RPH3AL: variants seen among roughly 807,000 people sequenced by gnomAD.
The protein encoded by RPH3AL is rabphilin 3A like (without C2 domains).
Under a neutral mutation model 43.1 loss-of-function variants are expected in RPH3AL, and 38 were observed. The observed-to-expected ratio is 0.88, with a 90% CI of 0.68 to 1.15. The LOEUF (loss-of-function observed/expected upper bound fraction) is 1.15. Among genes scored for constraint, RPH3AL ranks in the 50% most tolerant of loss-of-function variants. The pLI, the probability that RPH3AL is intolerant of heterozygous loss-of-function variation, is 0.00. For synonymous variants in RPH3AL, 189 were observed against 176.3 expected, an observed-to-expected ratio of 1.07 and a Z score of -0.57; for missense variants, 462 against 423.2, an observed-to-expected ratio of 1.09 and a Z score of -0.81.
rs2040699754 is a variant in RPH3AL, at chr17:212,395, A to G, written c.*1457T>C. ...CCCCTCCTTTCACTGCGGCTTAGGA[A>G]GGGTTCCAGCAAGTCAACGCACCAC... On this transcript the variant is annotated 3_prime_UTR_variant, in exon 10 of 10. Coordinates refer to ENST00000331302, the MANE Select transcript of RPH3AL (RefSeq NM_006987.4). 3.3e-5 allele frequency: 5 copies of G among 152,202 alleles called. No individual in the cohort carries two copies. The highest frequency in any genetic ancestry group is 7.3e-5 in the Non-Finnish European group (5 of 68,038). The allele number at this position is 152,202 out of a possible 1,614,324, so 9.4% of individuals were successfully genotyped here.
intron 6 of RPH3AL, among the ~76,000 whole-genome samples, chr17:272,606 G>A (rs1307468846): frequency 1.4e-4 from 14 of 102,974 alleles, no homozygotes; most frequent in Non-Finnish European, 2.0e-4. Flanking sequence ...GGACTGTTGT[G>A]GGGTGGGGGG....
intron 6 of RPH3AL, among the ~76,000 whole-genome samples, chr17:252,601 T>G (rs1317143309): frequency 1.3e-5 from 2 of 152,128 alleles, no homozygotes; most frequent in Non-Finnish European, 2.9e-5. Context: ...ACTTAAGTAA[T>G]CCAGCACCTC....
chr17:310,550 G>A (rs906497861), intron 5 of RPH3AL, among the ~76,000 whole-genome samples: 19 of 152,174 alleles, frequency 1.2e-4, no homozygotes, highest in African/African-American at 4.1e-4. Context: ...AAGGTGAGGA[G>A]GCGGAATGTG....
chr17:233,876 C>A (rs12939488), intron 7 of RPH3AL, among the ~76,000 whole-genome samples: 40,643 of 60,282 alleles, frequency 0.67, 13,662 homozygotes, highest in Non-Finnish European at 0.71. Flanking sequence ...GCGGCTACTT[C>A]CCCTGACCAA....
chr17:329,472 G>A (rs1258417730), intron 2 of RPH3AL, among the ~76,000 whole-genome samples: 5 of 152,100 alleles, frequency 3.3e-5, no homozygotes, highest in Non-Finnish European at 5.9e-5. Context: ...GCGAAACTCC[G>A]TCTCAAAAAA....
intron 7 of RPH3AL, among the ~76,000 whole-genome samples, chr17:221,501 G>T (rs796810812): frequency 6.8e-5 from 4 of 59,130 alleles, no homozygotes; most frequent in Admixed American, 1.6e-4. Flanking sequence ...CAGCTCTGAG[G>T]CCTCCACTCA....
intron 2 of RPH3AL, chr17:331,754 C>T (rs1598149074): frequency 4.7e-6 from 6 of 1,289,174 alleles, no homozygotes; most frequent in Non-Finnish European, 6.1e-6. Flanking sequence ...CAGCACTCAC[C>T]TCTTGGGCTC....
chr17:248,742 C>T (rs1426422629), intron 6 of RPH3AL, among the ~76,000 whole-genome samples: 8 of 152,240 alleles, frequency 5.3e-5, no homozygotes, highest in South Asian at 2.1e-4. Context: ...TCCACATGCT[C>T]GCTGTGTGGC....
intron 6 of RPH3AL, among the ~76,000 whole-genome samples, chr17:258,507 C>T (rs367961611): frequency 1.8e-4 from 27 of 152,246 alleles, no homozygotes; most frequent in South Asian, 6.2e-4. Context: ...GGGAGGAAAG[C>T]GCAGTGAGCC....
At chr17:244,375 G>A (rs1308181641) in intron 7 of RPH3AL, among the ~76,000 whole-genome samples, 4 of 152,038 alleles carry the variant, frequency 2.6e-5, no homozygotes, top group African/African-American at 7.3e-5. Flanking sequence ...GGAGCTACAG[G>A]TGCATGAGCC....
intron 6 of RPH3AL, among the ~76,000 whole-genome samples, chr17:268,225 C>T (rs1384570779): frequency 6.6e-6 from 1 of 152,152 alleles, no homozygotes; most frequent in Non-Finnish European, 1.5e-5. Flanking sequence ...TCCTCCTCCT[C>T]ATCTCCCCGT....
intron 6 of RPH3AL, 103 bp downstream of exon 6, chr17:281,665 C>T: frequency 2.8e-6 from 1 of 359,752 alleles, no homozygotes. Flanking sequence ...GCGTATCCAG[C>T]CCGCCCAGCC....
At chr17:314,356 G>A (rs936665597) in intron 5 of RPH3AL, among the ~76,000 whole-genome samples, 1 of 152,080 alleles carries the variant, frequency 6.6e-6, no homozygotes, top group Admixed American at 6.5e-5. Flanking sequence ...GTTCTCCCAG[G>A]CAGGAGTCAC....
rs560316128 is a variant in RPH3AL, at chr17:297,354, C to T, written c.352-15500G>A. On this transcript the variant is annotated intron_variant, in intron 5 of 9. Transcript: ENST00000331302. Reference sequence around the variant, plus strand: ...TCTGTGAGCCACTCTAGCAAATTATCGAACCCAAAGTATGGGTTGTGGGAA... The same window carrying T: ...TCTGTGAGCCACTCTAGCAAATTATTGAACCCAAAGTATGGGTTGTGGGAA... Among the ~76,000 whole-genome samples, 42 of 152,338 alleles carry T rather than the reference C, an allele frequency of 2.8e-4. No individual in the cohort carries two copies. The South Asian group carries it at 5.0e-3, about 18-fold the overall frequency.
At chr17:275,987 T>G (rs1203933415) in intron 6 of RPH3AL, among the ~76,000 whole-genome samples, 1 of 152,224 alleles carries the variant, frequency 6.6e-6, no homozygotes, top group African/African-American at 2.4e-5. Context: ...GAAATGGAGC[T>G]CTGAGCTAAG....
chr17:331,864 C>T, intron 2 of RPH3AL: 2 of 1,289,130 alleles, frequency 1.6e-6, no homozygotes, highest in Non-Finnish European at 2.0e-6. Context: ...CCCTTGTACT[C>T]AGGTATGACC....
At chr17:314,914 G>C (rs1458917464) in intron 5 of RPH3AL, among the ~76,000 whole-genome samples, 4 of 141,042 alleles carry the variant, frequency 2.8e-5, no homozygotes, top group African/African-American at 5.6e-5. Context: ...TTGACCAGTA[G>C]TCCCTGTGCC....
intron 6 of RPH3AL, among the ~76,000 whole-genome samples, chr17:272,612 G>T (rs937221996): frequency 2.4e-4 from 23 of 96,114 alleles, no homozygotes; most frequent in Admixed American, 7.0e-4. Flanking sequence ...TTGTGGGGTG[G>T]GGGGAGGGGG....
chr17:315,575 T>C (rs113326701), intron 5 of RPH3AL, among the ~76,000 whole-genome samples: 134 of 27,854 alleles, frequency 4.8e-3, no homozygotes, highest in African/African-American at 7.8e-3. Flanking sequence ...CCCACCTCCA[T>C]TGACCTGTAG....
Sources: allele counts gnomAD v4.1 joint callset (sites outside exome capture counted in the v4.1 genomes callset), GRCh38; gene constraint gnomAD v4.1.1; transcripts MANE v1.5; gene names NCBI Gene and HGNC (gene_info 2026-07-23, HGNC 2026-07-21).